MAST4: variants seen among roughly 807,000 people sequenced by gnomAD.
MAST4 encodes the protein microtubule-associated serine/threonine-protein kinase 4.
MAST4 carries 89 observed loss-of-function variants against 162.7 expected under a neutral mutation model. The ratio of observed to expected loss-of-function variants is 0.55; its 90% CI spans 0.46 to 0.65. The LOEUF (loss-of-function observed/expected upper bound fraction) is 0.65, where lower values mean the gene tolerates loss of function less well. Among genes scored for constraint, MAST4 ranks in the 30% least tolerant of loss-of-function variants. MAST4 has a pLI of 0.00. For missense variants in MAST4, 3,153 were observed against 3,374.0 expected (o/e 0.93, Z 1.62); for synonymous variants, 1,479 against 1,361.1 (o/e 1.09, Z -1.91).
At chr5:66,704,051 A>G (rs564477485) in intron 1 of MAST4, among the ~76,000 whole-genome samples, 58 of 152,322 alleles carry the variant, frequency 3.8e-4, no homozygotes, top group African/African-American at 1.3e-3. Context: ...TTTCATTAAC[A>G]TTATAATGTT....
At position 66,604,635 on chromosome 5, in the gene MAST4, T is replaced by C. The variant is rs111949260; in HGVS notation, c.363+7617T>C. Among the ~76,000 whole-genome samples the C allele has an allele frequency of 2.3e-3, 346 of 152,366 alleles. 3 individuals are homozygous for C. The highest frequency in any genetic ancestry group is 7.1e-3 in the African/African-American group (297 of 41,594). On this transcript the variant is annotated intron_variant, in intron 1 of 28. Coordinates refer to ENST00000403625, the MANE Select transcript of MAST4 (RefSeq NM_001164664.2). ...TAAACTCACATCAGATGTGGGTCTTTTGGCCTCTGCCTTAGAACTTGGCTA... is the reference window on the plus strand; with the variant it reads ...TAAACTCACATCAGATGTGGGTCTTCTGGCCTCTGCCTTAGAACTTGGCTA...
At chr5:66,653,514 G>A (rs1011604641) in intron 1 of MAST4, among the ~76,000 whole-genome samples, 1 of 152,202 alleles carries the variant, frequency 6.6e-6, no homozygotes, top group African/African-American at 2.4e-5. Flanking sequence ...AAATACTTCA[G>A]TGTTGCATTC....
intron 4 of MAST4, among the ~76,000 whole-genome samples, chr5:67,011,530 C>A (rs1018697766): frequency 6.6e-6 from 1 of 152,196 alleles, no homozygotes; most frequent in East Asian, 1.9e-4. Flanking sequence ...TCCATGACGC[C>A]GTCCAGTAAC....
chr5:67,069,286 G>GGATA (rs1554091646), intron 5 of MAST4, among the ~76,000 whole-genome samples: 1 of 20,224 alleles, frequency 4.9e-5, no homozygotes, highest in African/African-American at 1.8e-4. Flanking sequence ...GGAGGAGATT[G>GGATA]GATATATATA....
chr5:66,698,672 G>C (rs182486337), intron 1 of MAST4, among the ~76,000 whole-genome samples: 9 of 152,220 alleles, frequency 5.9e-5, no homozygotes, highest in East Asian at 1.9e-4. Context: ...TGATCCATCT[G>C]TCTGCCTGGC....
At chr5:66,880,317 G>A (rs1459963551) in intron 3 of MAST4, among the ~76,000 whole-genome samples, 1 of 152,186 alleles carries the variant, frequency 6.6e-6, no homozygotes, top group Non-Finnish European at 1.5e-5. Context: ...TTAGAACAGT[G>A]GTTCTCTCTG....
chr5:67,096,542 C>T (rs1468513956), intron 7 of MAST4, among the ~76,000 whole-genome samples: 1 of 152,042 alleles, frequency 6.6e-6, no homozygotes, highest in Non-Finnish European at 1.5e-5. Context: ...TTTTGATAGC[C>T]CCCAGCACTC....
At chr5:67,007,938 A>G (rs1256646722) in intron 4 of MAST4, among the ~76,000 whole-genome samples, 1 of 152,218 alleles carries the variant, frequency 6.6e-6, no homozygotes, top group East Asian at 1.9e-4. Context: ...GTACTGATGA[A>G]CTGAAAGACT....
chr5:67,153,819 A>C (rs1772144796), intron 26 of MAST4, among the ~76,000 whole-genome samples: 1 of 152,218 alleles, frequency 6.6e-6, no homozygotes, highest in South Asian at 2.1e-4. Flanking sequence ...AATTGTAAGT[A>C]GTAAGAATTC....
intron 1 of MAST4, among the ~76,000 whole-genome samples, chr5:66,726,512 G>T (rs1267552434): frequency 1.3e-5 from 2 of 152,116 alleles, no homozygotes; most frequent in African/African-American, 4.8e-5. Flanking sequence ...CTTGGGGTCA[G>T]TTTGTGAAGT....
In MAST4 at chr5:67,162,666, G is replaced by T. The variant is rs376750032; in HGVS notation, c.3845G>T (p.Arg1282Leu). 4.3e-6 allele frequency: 7 copies of T among 1,613,828 alleles called. No individual in the cohort carries two copies. Among genetic ancestry groups the T allele is most frequent in the Non-Finnish European group, 4.2e-6 (5 of 1,179,862 alleles). ...KQPSPLLHTS[R>L]SFSCLNRSLS... Reference sequence around the variant, plus strand: ...CCTTCTCCTTTACTCCACACCAGCCGAAGTTTCTCCTGCTTGAACAGATCC... The same window carrying T: ...CCTTCTCCTTTACTCCACACCAGCCTAAGTTTCTCCTGCTTGAACAGATCC... The change falls in exon 28 of 29, where the codon CGA (arginine) becomes CTA (leucine). Residue 1282 changes from arginine (R) to leucine (L), a missense_variant. By Grantham distance (102) the Arg-to-Leu change is moderately radical. This residue lies in a region of MAST4 where 619 missense variants were observed against 744.2 expected (regional missense o/e 0.83). Coordinates refer to ENST00000403625, the MANE Select transcript of MAST4 (RefSeq NM_001164664.2).
intron 1 of MAST4, among the ~76,000 whole-genome samples, chr5:66,624,436 A>G (rs1373302200): frequency 1.3e-5 from 2 of 152,134 alleles, no homozygotes; most frequent in Non-Finnish European, 2.9e-5. Context: ...TATAGGTGTG[A>G]GCCACAGCGC....
At position 67,136,676 on chromosome 5, in the gene MAST4, T is replaced by A. The variant is rs768468352; in HGVS notation, c.2494+12T>A. 3 of 1,571,774 alleles carry A rather than the reference T, an allele frequency of 1.9e-6. No homozygotes were observed. Among genetic ancestry groups the A allele is most frequent in the African/African-American group, 1.3e-5 (1 of 74,188 alleles). On this transcript the variant is annotated intron_variant, in intron 19 of 28. Transcript: ENST00000403625. ...GAGGCTGGGAACAGGTTAGAGCCCA[T>A]GTGTTTTAATTTTGCTAATATGCAA...
Position 66,596,538 on chromosome 5 carries a change from C to A in MAST4, c.-118C>A. On this transcript the variant is annotated 5_prime_UTR_variant, in exon 1 of 29. Transcript: ENST00000403625. ...ATGTAGTCGCTGGCGGGGCTCCCTG[C>A]AGCCCGGGAGCGGCAGTGCCAGTGA... 8.3e-7 allele frequency: 1 copy of A among 1,199,208 alleles called. No homozygotes were observed. The highest frequency in any genetic ancestry group is 1.1e-6 in the Non-Finnish European group (1 of 945,724). 74.3% of individuals were successfully genotyped at this position (1,199,208 alleles called of 1,614,324 possible). A position where few individuals can be genotyped will look rare whatever the true frequency, so the allele number is the denominator to read the frequency against.
intron 3 of MAST4, among the ~76,000 whole-genome samples, chr5:66,844,963 T>A (rs948759538): frequency 1.2e-4 from 18 of 151,028 alleles, no homozygotes; most frequent in Admixed American, 3.3e-4. Context: ...AATCTAGGTG[T>A]CATTATCTTA....
At chr5:67,074,483 A>G (rs1337787556) in intron 5 of MAST4, among the ~76,000 whole-genome samples, 1 of 152,188 alleles carries the variant, frequency 6.6e-6, no homozygotes, top group Non-Finnish European at 1.5e-5. Context: ...ACTCAAATGT[A>G]TATTTTAGGA....
intron 4 of MAST4, among the ~76,000 whole-genome samples, chr5:66,955,786 T>C (rs1745239949): frequency 6.6e-6 from 1 of 152,214 alleles, no homozygotes; most frequent in Non-Finnish European, 1.5e-5. Flanking sequence ...TGTGTGTATA[T>C]ATATGCACAC....
At chr5:66,624,389 G>A (rs1041218433) in intron 1 of MAST4, among the ~76,000 whole-genome samples, 1 of 151,882 alleles carries the variant, frequency 6.6e-6, no homozygotes, top group African/African-American at 2.4e-5. Context: ...TCCTGACCTC[G>A]TGATCTGCCC....
At chr5:66,948,549 C>T (rs1217239005) in intron 4 of MAST4, among the ~76,000 whole-genome samples, 2 of 152,088 alleles carry the variant, frequency 1.3e-5, no homozygotes, top group Non-Finnish European at 2.9e-5. Flanking sequence ...GGGCAGCTTG[C>T]ACCATTCCTC....
Sources: gnomAD v4.1 joint callset for allele counts (sites outside exome capture counted in the v4.1 genomes callset) on GRCh38, gnomAD v4.1.1 for gene constraint, gnomAD v4.1.1 regional missense constraint, MANE v1.5 for transcripts, NCBI Gene and HGNC (gene_info 2026-07-23, HGNC 2026-07-21) for gene names.